RORB: variants seen among roughly 807,000 people sequenced by gnomAD.
RORB encodes RAR related orphan receptor B.
A neutral mutation model predicts 59.1 loss-of-function variants in RORB; 6 were observed. That is an observed-to-expected ratio of 0.10 (90% CI 0.06 to 0.20). The LOEUF (loss-of-function observed/expected upper bound fraction) is 0.20, where lower values mean the gene tolerates loss of function less well. Ranked by LOEUF, RORB falls within the 10% of genes least tolerant of loss-of-function variation. The pLI, the probability that RORB is intolerant of heterozygous loss-of-function variation, is 1.00. For missense variants in RORB, 320 were observed against 560.5 expected (o/e 0.57, Z 4.33); for synonymous variants, 215 against 204.5 (o/e 1.05, Z -0.44).
At chr9:74,526,391 G>A (rs1826156842) in intron 1 of RORB, among the ~76,000 whole-genome samples, 2 of 151,814 alleles carry the variant, frequency 1.3e-5, no homozygotes, top group African/African-American at 4.8e-5. Flanking sequence ...GCAGTCAGCA[G>A]TAGTGATCCC....
chr9:74,655,265 G>A (rs577015293), intron 4 of RORB, among the ~76,000 whole-genome samples: 29 of 152,292 alleles, frequency 1.9e-4, no homozygotes, highest in African/African-American at 5.8e-4. Context: ...GTGGTCTCAG[G>A]AAGAGCAGAG....
chr9:74,576,447 G>A (rs956716438), intron 1 of RORB, among the ~76,000 whole-genome samples: 2 of 112,918 alleles, frequency 1.8e-5, no homozygotes, highest in East Asian at 2.9e-4. Context: ...CACAGCATTA[G>A]CTAGGCTTAG....
chr9:74,573,475 A>C (rs1587365358), intron 1 of RORB, among the ~76,000 whole-genome samples: 1 of 151,938 alleles, frequency 6.6e-6, no homozygotes, highest in Non-Finnish European at 1.5e-5. Context: ...AAAAAAAAAA[A>C]AAAAAAAAAA....
chr9:74,566,442 A>G (rs1393761182), intron 1 of RORB, among the ~76,000 whole-genome samples: 1 of 152,098 alleles, frequency 6.6e-6, no homozygotes, highest in Non-Finnish European at 1.5e-5. Context: ...TACTATCAAC[A>G]GTTTTGTGTT....
intron 9 of RORB, among the ~76,000 whole-genome samples, chr9:74,685,053 A>G (rs778387036): frequency 1.3e-5 from 2 of 152,216 alleles, no homozygotes; most frequent in Non-Finnish European, 2.9e-5. Flanking sequence ...TGAAGTAGGT[A>G]CTGTTAGTAA....
chr9:74,499,134 G>A (rs1249627129), intron 1 of RORB: 2 of 152,670 alleles, frequency 1.3e-5, no homozygotes, highest in East Asian at 3.8e-4. Flanking sequence ...CGGTTAATCG[G>A]GGGCTCTTCT....
rs117744582 is a variant in RORB, at chr9:74,578,150, A to G, written c.8-52132A>G. Among the ~76,000 whole-genome samples, 125 of 152,106 alleles carry G rather than the reference A, an allele frequency of 8.2e-4. 3 individuals carry two copies. The East Asian group carries it at 0.022, about 27-fold the overall frequency. On this transcript the variant is annotated intron_variant, in intron 1 of 9. Coordinates refer to ENST00000376896, the MANE Select transcript of RORB (RefSeq NM_006914.4). ...GCCTCCTTATTGGGCATTTTTCACT[A>G]TGCTTGCTGTTTTTCTTTGTACTAA...
intron 1 of RORB, among the ~76,000 whole-genome samples, chr9:74,590,261 T>C (rs1746991993): frequency 6.6e-6 from 1 of 152,200 alleles, no homozygotes; most frequent in Admixed American, 6.5e-5. Context: ...CACTCTATTC[T>C]CAGTGCCTAG....
intron 4 of RORB, among the ~76,000 whole-genome samples, chr9:74,654,367 A>AGT (rs1364508246): frequency 1.7e-5 from 2 of 119,614 alleles, no homozygotes; most frequent in Admixed American, 8.2e-5. Flanking sequence ...AGAGAGAGAG[A>AGT]GAGAGTAAGG....
chr9:74,652,253 C>G (rs1824005043), intron 4 of RORB, among the ~76,000 whole-genome samples: 1 of 152,072 alleles, frequency 6.6e-6, no homozygotes, highest in Non-Finnish European at 1.5e-5. Flanking sequence ...CTAAAAGATA[C>G]AAAAATTAGC....
intron 6 of RORB, among the ~76,000 whole-genome samples, chr9:74,664,917 G>C (rs113970050): frequency 6.6e-6 from 1 of 152,176 alleles, no homozygotes; most frequent in Non-Finnish European, 1.5e-5. Flanking sequence ...TGCTCAAAGG[G>C]AAAAACAGTG....
chr9:74,657,401 G>A (rs947236567), intron 4 of RORB, among the ~76,000 whole-genome samples: 2 of 152,056 alleles, frequency 1.3e-5, no homozygotes, highest in African/African-American at 4.8e-5. Context: ...TCTATCCTCA[G>A]TAAAGGGGAG....
chr9:74,670,592 C>T (rs902594998), intron 8 of RORB, among the ~76,000 whole-genome samples: 7 of 152,178 alleles, frequency 4.6e-5, no homozygotes, highest in African/African-American at 1.7e-4. Context: ...TCCAGTGCTG[C>T]TAGCAGACTC....
intron 1 of RORB, among the ~76,000 whole-genome samples, chr9:74,627,898 A>C (rs1047356157): frequency 6.6e-6 from 1 of 152,178 alleles, no homozygotes; most frequent in Non-Finnish European, 1.5e-5. Context: ...GGCTTGTCAT[A>C]TTTTGTGTCC....
chr9:74,625,980 A>G (rs1476777727), intron 1 of RORB, among the ~76,000 whole-genome samples: 8 of 152,236 alleles, frequency 5.3e-5, no homozygotes, highest in Non-Finnish European at 1.2e-4. Flanking sequence ...TGCATTTTCT[A>G]GTTAACTCAT....
intron 1 of RORB, among the ~76,000 whole-genome samples, chr9:74,552,344 T>A (rs1227818904): frequency 2.0e-5 from 3 of 152,142 alleles, no homozygotes; most frequent in African/African-American, 4.8e-5. Context: ...GAACACAGGC[T>A]CTGAAAACAG....
intron 3 of RORB, among the ~76,000 whole-genome samples, chr9:74,637,056 A>G (rs572579230): frequency 6.6e-6 from 1 of 152,322 alleles, no homozygotes; most frequent in African/African-American, 2.4e-5. Flanking sequence ...AATGAAAGAC[A>G]CGGTTATTTC....
rs536598456 is a variant in RORB, at chr9:74,570,129, T to A, written c.8-60153T>A. ...ATAGAGAATAATCCACAAAATAAAT[T>A]TAATTCCTTAGAAGTTTGTTATTTT... On this transcript the variant is annotated intron_variant, in intron 1 of 9. Transcript: ENST00000376896. Among the ~76,000 whole-genome samples, 13 of 152,224 alleles carry A rather than the reference T, an allele frequency of 8.5e-5. No homozygotes were observed. In the South Asian group the frequency reaches 2.7e-3, roughly 31 times the overall value.
At chr9:74,640,477 G>A (rs1021133831) in intron 3 of RORB, among the ~76,000 whole-genome samples, 2 of 151,936 alleles carry the variant, frequency 1.3e-5, no homozygotes, top group Non-Finnish European at 2.9e-5. Flanking sequence ...TAGAGACAGG[G>A]TTTCACCACG....
Sources: gnomAD v4.1 joint callset for allele counts (sites outside exome capture counted in the v4.1 genomes callset) on GRCh38, gnomAD v4.1.1 for gene constraint, MANE v1.5 for transcripts, NCBI Gene and HGNC (gene_info 2026-07-23, HGNC 2026-07-21) for gene names.